Variants in CLIC6 observed in about 807,000 individuals in gnomAD.
The protein encoded by CLIC6 is chloride intracellular channel protein 6.
In CLIC6, 39 loss-of-function variants were observed where a neutral mutation model predicts 49.2. That is an observed-to-expected ratio of 0.79 (90% CI 0.61 to 1.04). CLIC6 has a LOEUF of 1.04. Ranked by LOEUF, CLIC6 falls within the 50% of genes least tolerant of loss-of-function variation. The pLI is 0.00. For missense variants in CLIC6, 988 were observed against 993.1 expected, an observed-to-expected ratio of 0.99 and a Z score of 0.07; for synonymous variants, 446 against 433.4, an observed-to-expected ratio of 1.03 and a Z score of -0.36.
intron 5 of CLIC6, among the ~76,000 whole-genome samples, chr21:34,716,104 C>A (rs560026368): frequency 3.1e-4 from 47 of 152,188 alleles, no homozygotes; most frequent in Admixed American, 2.6e-3. Context: ...GAACTATGTG[C>A]AGTCACTGTA....
Position 34,717,913 on chromosome 21 carries a change from C to G in CLIC6, c.*1431C>G, listed in dbSNP as rs188828853. ...AAATGTCTAGCAAAAGAAACAAAGT[C>G]TTTAATAGAGTGGCCTCTTTCGCTC... On this transcript the variant is annotated 3_prime_UTR_variant, in exon 6 of 6. Coordinates refer to ENST00000349499, the MANE Select transcript of CLIC6 (RefSeq NM_053277.3). 3.3e-5 allele frequency: 5 copies of G among 152,344 alleles called. No individual in the cohort carries two copies. Among genetic ancestry groups the G allele is most frequent in the Admixed American group, 3.3e-4 (5 of 15,294 alleles). 9.4% of individuals were successfully genotyped at this position (152,344 alleles called of 1,614,324 possible).
At chr21:34,671,136 AAAAAAAG>A (rs745454390) in intron 1 of CLIC6, among the ~76,000 whole-genome samples, 23,938 of 121,114 alleles carry the variant, frequency 0.2, 2,259 homozygotes, top group Non-Finnish European at 0.24. Context: ...AAAAAAAAAA[AAAAAAAG>A]AAGAAGAAGA....
chr21:34,698,450 A>G (rs1051598327), intron 1 of CLIC6, among the ~76,000 whole-genome samples: 4 of 151,580 alleles, frequency 2.6e-5, no homozygotes, highest in African/African-American at 9.7e-5. Context: ...AGGGAAGGAA[A>G]GGGATGGAAG....
chr21:34,713,786 A>G (rs1170044427), intron 5 of CLIC6, among the ~76,000 whole-genome samples: 4 of 152,214 alleles, frequency 2.6e-5, no homozygotes, highest in Admixed American at 2.6e-4. Flanking sequence ...TTGCCCCAGA[A>G]AGATCAACAC....
chr21:34,693,825 C>T (rs1990040800), intron 1 of CLIC6, among the ~76,000 whole-genome samples: 1 of 152,154 alleles, frequency 6.6e-6, no homozygotes, highest in Non-Finnish European at 1.5e-5. Flanking sequence ...TGTGTCCCTG[C>T]CCAAATCTGA....
intron 5 of CLIC6, among the ~76,000 whole-genome samples, chr21:34,715,188 A>G (rs986463641): frequency 6.6e-6 from 1 of 152,226 alleles, no homozygotes; most frequent in Non-Finnish European, 1.5e-5. Context: ...ACTGGCCTTT[A>G]TGGCTCTGGG....
intron 1 of CLIC6, among the ~76,000 whole-genome samples, chr21:34,685,211 G>C (rs923842842): frequency 6.6e-6 from 1 of 152,150 alleles, no homozygotes; most frequent in African/African-American, 2.4e-5. Flanking sequence ...CGGTGACCCT[G>C]GTCCTCCTCT....
intron 1 of CLIC6, among the ~76,000 whole-genome samples, chr21:34,693,728 T>G (rs1236273057): frequency 6.6e-6 from 1 of 152,200 alleles, no homozygotes; most frequent in East Asian, 1.9e-4. Context: ...CAAGCAGGCC[T>G]GCCCACAGTT....
chr21:34,705,056 A>C (rs1157455670), intron 1 of CLIC6, among the ~76,000 whole-genome samples: 1 of 152,286 alleles, frequency 6.6e-6, no homozygotes, highest in East Asian at 1.9e-4. Flanking sequence ...GAGAGACGGG[A>C]GAAAAAACGA....
At chr21:34,702,350 C>T (rs1419463332) in intron 1 of CLIC6, among the ~76,000 whole-genome samples, 1 of 152,144 alleles carries the variant, frequency 6.6e-6, no homozygotes, top group Non-Finnish European at 1.5e-5. Flanking sequence ...TATCAGGCCT[C>T]CATGCAGAGG....
intron 1 of CLIC6, among the ~76,000 whole-genome samples, chr21:34,680,553 T>C (rs547600780): frequency 2.0e-5 from 3 of 152,376 alleles, no homozygotes; most frequent in South Asian, 4.1e-4. Context: ...TATCACATCA[T>C]CAGGCTGCAA....
chr21:34,673,690 C>T (rs1989611985), intron 1 of CLIC6, among the ~76,000 whole-genome samples: 1 of 151,932 alleles, frequency 6.6e-6, no homozygotes, highest in African/African-American at 2.4e-5. Flanking sequence ...TCTTTGAAAA[C>T]AAAATGAAAC....
intron 5 of CLIC6, among the ~76,000 whole-genome samples, chr21:34,713,464 T>C (rs2056069282): frequency 6.6e-6 from 1 of 152,166 alleles, no homozygotes; most frequent in Non-Finnish European, 1.5e-5. Flanking sequence ...GACGAAGACA[T>C]TGCTGAAATT....
At chr21:34,689,906 C>A (rs1989958768) in intron 1 of CLIC6, among the ~76,000 whole-genome samples, 1 of 152,222 alleles carries the variant, frequency 6.6e-6, no homozygotes, top group African/African-American at 2.4e-5. Flanking sequence ...AATTATGCTT[C>A]TTGCTCCACA....
In CLIC6 at chr21:34,683,103, G is replaced by A. The variant is rs146112951; in HGVS notation, c.1374+12341G>A. Among the ~76,000 whole-genome samples the A allele has an allele frequency of 8.0e-3, 1,214 of 151,590 alleles. 19 individuals are homozygous for A. The highest frequency in any genetic ancestry group is 0.027 in the African/African-American group (1,130 of 41,320). On this transcript the variant is annotated intron_variant, in intron 1 of 5. Coordinates refer to ENST00000349499, the MANE Select transcript of CLIC6 (RefSeq NM_053277.3). ...TAGGATTACAGGCGTGAGCCACCGC[G>A]CCTGGCCCCCTTTCCCTCTATTTTT...
chr21:34,704,278 A>G (rs2055999524), intron 1 of CLIC6, among the ~76,000 whole-genome samples: 1 of 152,014 alleles, frequency 6.6e-6, no homozygotes, highest in African/African-American at 2.4e-5. Flanking sequence ...CTTCGCCTTT[A>G]TTTTTGCTGG....
intron 1 of CLIC6, among the ~76,000 whole-genome samples, chr21:34,700,957 T>A (rs1029110840): frequency 2.9e-5 from 4 of 138,834 alleles, no homozygotes; most frequent in Admixed American, 2.1e-4. Flanking sequence ...TTTTGTCTCC[T>A]GGCTGAAGAT....
At chr21:34,701,301 T>C (rs1256515865) in intron 1 of CLIC6, among the ~76,000 whole-genome samples, 1 of 88,078 alleles carries the variant, frequency 1.1e-5, no homozygotes, top group African/African-American at 5.7e-5. Flanking sequence ...AGAGCGAGGC[T>C]CCGTCTCAAA....
intron 4 of CLIC6, 76 bp downstream of exon 4, chr21:34,708,882 G>T: frequency 9.6e-7 from 1 of 1,043,190 alleles, no homozygotes; most frequent in South Asian, 1.4e-5. Flanking sequence ...CGCTCCTGGG[G>T]TATTCCCATC....
Sources: gnomAD v4.1 joint callset for allele counts (sites outside exome capture counted in the v4.1 genomes callset) on GRCh38, gnomAD v4.1.1 for gene constraint, MANE v1.5 for transcripts, NCBI Gene and HGNC (gene_info 2026-07-23, HGNC 2026-07-21) for gene names.